Variants in TBC1D5 observed in about 807,000 individuals in gnomAD.
TBC1D5 encodes the protein TBC1 domain family, member 5.
TBC1D5 carries 75 observed loss-of-function variants against 100.3 expected under a neutral mutation model. The observed-to-expected ratio is 0.75, with a 90% CI of 0.62 to 0.91. TBC1D5 has a LOEUF of 0.91. Ranked by LOEUF, TBC1D5 falls within the 40% of genes least tolerant of loss-of-function variation. The pLI, the probability that TBC1D5 is intolerant of heterozygous loss-of-function variation, is 0.00. For synonymous variants in TBC1D5, 323 were observed against 325.6 expected (o/e 0.99, Z 0.09); for missense variants, 910 against 942.4 (o/e 0.97, Z 0.45).
In TBC1D5 at chr3:17,539,450, C is replaced by T. The variant is rs534300909; in HGVS notation, c.-35-30845G>A. 1.1e-3 allele frequency among the ~76,000 whole-genome samples: 163 copies of T among 152,274 alleles called. 1 individual carries two copies. The highest frequency in any genetic ancestry group is 3.8e-3 in the African/African-American group (158 of 41,568). On this transcript the variant is annotated intron_variant, in intron 2 of 21. Transcript: ENST00000253692. ...GCCTATAAGAGACAGTTTTGCAGGG[C>T]CATTTTTAAATATGTCAAAGGAATA...
At chr3:17,737,750 G>A (rs1021993517) in intron 1 of TBC1D5, among the ~76,000 whole-genome samples, 4 of 151,086 alleles carry the variant, frequency 2.6e-5, no homozygotes, top group Admixed American at 6.6e-5. Flanking sequence ...AAACACTCTT[G>A]TCTTAACAAA....
At chr3:17,232,645 G>C (rs1236253279) in intron 17 of TBC1D5, among the ~76,000 whole-genome samples, 1 of 152,076 alleles carries the variant, frequency 6.6e-6, no homozygotes. Flanking sequence ...ATACCTGTGA[G>C]ACACAGAACT....
intron 16 of TBC1D5, among the ~76,000 whole-genome samples, chr3:17,253,544 G>A (rs1175489540): frequency 6.6e-6 from 1 of 151,950 alleles, no homozygotes; most frequent in African/African-American, 2.4e-5. Context: ...GATGAGTTTT[G>A]ACACTTGTGT....
At chr3:17,557,979 A>C (rs1296210828) in intron 2 of TBC1D5, among the ~76,000 whole-genome samples, 1 of 152,090 alleles carries the variant, frequency 6.6e-6, no homozygotes, top group South Asian at 2.1e-4. Context: ...ATGATGCAAA[A>C]CCTATCTCTT....
intron 2 of TBC1D5, among the ~76,000 whole-genome samples, chr3:17,520,271 A>C (rs1418284365): frequency 6.6e-6 from 1 of 152,234 alleles, no homozygotes; most frequent in Non-Finnish European, 1.5e-5. Flanking sequence ...TGACAAGTAA[A>C]ATAAATGTTC....
chr3:17,372,913 C>G (rs2092538533), intron 12 of TBC1D5, among the ~76,000 whole-genome samples: 1 of 152,126 alleles, frequency 6.6e-6, no homozygotes, highest in East Asian at 1.9e-4. Context: ...GTCAGCAAAC[C>G]TTCCCTGTAA....
chr3:17,555,900 G>C (rs938783038), intron 2 of TBC1D5, among the ~76,000 whole-genome samples: 3 of 152,318 alleles, frequency 2.0e-5, no homozygotes, highest in African/African-American at 7.2e-5. Flanking sequence ...GTCATGGCCT[G>C]AGCAAGTTTT....
chr3:17,180,266 CA>C (rs1320748320), intron 19 of TBC1D5, among the ~76,000 whole-genome samples: 3 of 152,160 alleles, frequency 2.0e-5, no homozygotes, highest in Non-Finnish European at 4.4e-5. Context: ...TTTGGCAACA[CA>C]AATGGCCTTC....
intron 2 of TBC1D5, among the ~76,000 whole-genome samples, chr3:17,513,979 T>C (rs747916957): frequency 3.9e-5 from 6 of 151,978 alleles, no homozygotes; most frequent in Non-Finnish European, 7.4e-5. Context: ...AATTCAATGA[T>C]TGGAAGTAAC....
chr3:17,610,360 T>C (rs549107511), intron 2 of TBC1D5, among the ~76,000 whole-genome samples: 1 of 152,266 alleles, frequency 6.6e-6, no homozygotes, highest in East Asian at 1.9e-4. Flanking sequence ...AATTGTTTTG[T>C]ATGCTTTGTA....
At chr3:17,406,289 T>C in intron 5 of TBC1D5, 129 bp downstream of exon 5, 2 of 715,850 alleles carry the variant, frequency 2.8e-6, no homozygotes, top group Admixed American at 3.1e-5. Context: ...TAAACATAGA[T>C]GGTCAAAATA....
chr3:17,354,696 A>C (rs1006306513), intron 13 of TBC1D5, among the ~76,000 whole-genome samples: 1 of 151,866 alleles, frequency 6.6e-6, no homozygotes, highest in Non-Finnish European at 1.5e-5. Flanking sequence ...TTACAACTAG[A>C]GGAAATATGA....
At position 17,591,528 on chromosome 3, in the gene TBC1D5, T is replaced by C. The variant is rs186278401; in HGVS notation, c.-36+32321A>G. Among the ~76,000 whole-genome samples the C allele has an allele frequency of 3.4e-3, 513 of 152,208 alleles. 4 individuals are homozygous for C. Among genetic ancestry groups the C allele is most frequent in the Non-Finnish European group, 5.9e-3 (403 of 68,006 alleles). ...CTGGACACTGGCTCTGAGCTCACATTGATTCCAGGGACCCAAAACTTCATT... is the reference window on the plus strand; with the variant it reads ...CTGGACACTGGCTCTGAGCTCACATCGATTCCAGGGACCCAAAACTTCATT... On this transcript the variant is annotated intron_variant, in intron 2 of 21. Transcript: ENST00000253692.
At chr3:17,577,922 C>T (rs1463305924) in intron 2 of TBC1D5, among the ~76,000 whole-genome samples, 4 of 151,850 alleles carry the variant, frequency 2.6e-5, no homozygotes, top group Admixed American at 6.6e-5. Flanking sequence ...GATGACTTCC[C>T]GTCACTTATG....
At chr3:17,397,825 GCAAT>G (rs1475144612) in intron 8 of TBC1D5, among the ~76,000 whole-genome samples, 2 of 152,100 alleles carry the variant, frequency 1.3e-5, no homozygotes, top group East Asian at 3.9e-4. Flanking sequence ...ATATCAATAG[GCAAT>G]CAGATAAACT....
chr3:17,658,830 T>C (rs979570004), intron 1 of TBC1D5, among the ~76,000 whole-genome samples: 3 of 152,134 alleles, frequency 2.0e-5, no homozygotes, highest in Non-Finnish European at 2.9e-5. Flanking sequence ...ACCCCACTAA[T>C]TTTTGTATTT....
At chr3:17,519,489 A>G (rs2096036996) in intron 2 of TBC1D5, among the ~76,000 whole-genome samples, 1 of 152,184 alleles carries the variant, frequency 6.6e-6, no homozygotes, top group Non-Finnish European at 1.5e-5. Flanking sequence ...CCTTCTCCTA[A>G]TTTGATTCAG....
At chr3:17,579,079 CATACTT>C (rs1384174184) in intron 2 of TBC1D5, among the ~76,000 whole-genome samples, 1 of 151,994 alleles carries the variant, frequency 6.6e-6, no homozygotes, top group African/African-American at 2.4e-5. Context: ...ATGTGGGGCA[CATACTT>C]TTAAGAATTG....
intron 3 of TBC1D5, among the ~76,000 whole-genome samples, chr3:17,473,460 C>G (rs544566635): frequency 6.6e-6 from 1 of 152,304 alleles, no homozygotes; most frequent in South Asian, 2.1e-4. Context: ...AATGTTGCAA[C>G]ATTCATCCTT....
Sources: gnomAD v4.1 joint callset for allele counts (sites outside exome capture counted in the v4.1 genomes callset) on GRCh38, gnomAD v4.1.1 for gene constraint, MANE v1.5 for transcripts, NCBI Gene and HGNC (gene_info 2026-07-23, HGNC 2026-07-21) for gene names.